The following RASGEF1C variants were observed in gnomAD, a reference collection of about 807,000 sequenced individuals.
RASGEF1C encodes ras-GEF domain-containing family member 1C.
A neutral mutation model predicts 58.1 loss-of-function variants in RASGEF1C; 27 were observed. The observed-to-expected ratio is 0.46, with a 90% CI of 0.34 to 0.64. The LOEUF is 0.64. RASGEF1C is among the 30% of genes least tolerant of loss of function. The probability of loss-of-function intolerance (pLI) is 0.01; values close to 1 mark genes in which losing one functional copy is unlikely to be tolerated. For missense variants in RASGEF1C, 502 were observed against 605.1 expected (o/e 0.83, Z 1.79); for synonymous variants, 243 against 246.3 (o/e 0.99, Z 0.13).
intron 1 of RASGEF1C, among the ~76,000 whole-genome samples, chr5:180,176,056 T>C (rs1198040517): frequency 6.6e-6 from 1 of 152,224 alleles, no homozygotes; most frequent in Non-Finnish European, 1.5e-5. Flanking sequence ...GCTGCATTAC[T>C]GTGTTCAGTC....
chr5:180,181,446 G>C (rs977377979), intron 1 of RASGEF1C, among the ~76,000 whole-genome samples: 20 of 152,320 alleles, frequency 1.3e-4, no homozygotes, highest in Admixed American at 1.0e-3. Context: ...CACTGCAAAT[G>C]TAATGAGTGA....
rs200640266 is a variant in RASGEF1C, at chr5:180,144,642, CA to C, written c.-6-6585del. On this transcript the variant is annotated intron_variant, in intron 1 of 13. Transcript: ENST00000361132. ...TGACAGAGCAAGACCCTGCCTCTAC[CA>C]AAAAAATAAAAATTAAAAAAATATA... is the stretch of plus-strand genomic sequence containing the variant. 9.3e-3 allele frequency among the ~76,000 whole-genome samples: 1,417 copies of C among 151,752 alleles called. 20 individuals carry two copies. The highest frequency in any genetic ancestry group is 0.033 in the African/African-American group (1,360 of 41,342).
intron 12 of RASGEF1C, 74 bp from the exon 13 acceptor site, chr5:180,102,217 C>A: frequency 1.1e-6 from 1 of 871,358 alleles, no homozygotes; most frequent in Non-Finnish European, 1.9e-6. Context: ...GCTATATCTG[C>A]GTGGGTCTCT....
rs1019899136 is a variant in RASGEF1C at position 180,143,363 on chromosome 5, CAG to C, written c.-6-5307_-6-5306del. 4.6e-5 allele frequency among the ~76,000 whole-genome samples: 7 copies of C among 152,206 alleles called. No individual in the cohort carries two copies. Among genetic ancestry groups the C allele is most frequent in the Admixed American group, 1.3e-4 (2 of 15,286 alleles). On this transcript the variant is annotated intron_variant, in intron 1 of 13. Transcript: ENST00000361132. This position sits in a 1 kb window ranked among gnomAD's most constrained non-coding sequence, Gnocchi z 4.3. The stretch of plus-strand genomic sequence containing the variant: ...GGGAGACGGGAAATGTGTGCAGGGA[CAG>C]GGGCACCATGTGGTGCGTTTATAAG...
intron 12 of RASGEF1C, among the ~76,000 whole-genome samples, chr5:180,104,525 G>T (rs1232466926): frequency 6.6e-6 from 1 of 152,192 alleles, no homozygotes; most frequent in Non-Finnish European, 1.5e-5. Context: ...TCAGTGGTAA[G>T]AAAATGTCTG....
At position 180,118,690 on chromosome 5, in the gene RASGEF1C, T is replaced by C; in HGVS notation, c.1002A>G (p.Pro334=). 1 of 1,614,170 alleles carries C rather than the reference T, an allele frequency of 6.2e-7. No individual in the cohort carries two copies. The highest frequency in any genetic ancestry group is 8.5e-7 in the Non-Finnish European group (1 of 1,180,002). ...TCCTGTAGTTGCAGAAATTCCCCGTTGGGTCCATCTGGTGCTGGAAGGAGA... is the reference window on the plus strand; with the variant it reads ...TCCTGTAGTTGCAGAAATTCCCCGTCGGGTCCATCTGGTGCTGGAAGGAGA... ...KFFILEHQMD[P]TGNFCNYRTA... Residue 334 remains proline (P), a synonymous_variant, in exon 10 of 14, where the codon CCA becomes CCG. Coordinates refer to ENST00000361132, the MANE Select transcript of RASGEF1C (RefSeq NM_175062.4).
rs772900151 is a variant in RASGEF1C, at chr5:180,121,157, A to C, written c.715-8T>G. On this transcript the variant is annotated splice_region_variant and splice_polypyrimidine_tract_variant and intron_variant, in intron 6 of 13. Transcript: ENST00000361132. ...CTTGTCACTGAAGCAGGGCTAGAAC[A>C]AACACAGCACACGGGACCACGTTCT... 3.1e-6 allele frequency: 5 copies of C among 1,607,136 alleles called. No homozygotes were observed. In the Admixed American group the frequency reaches 8.3e-5, roughly 27 times the overall value.
chr5:180,131,128 A>G (rs1437499550), intron 4 of RASGEF1C, among the ~76,000 whole-genome samples: 1 of 152,000 alleles, frequency 6.6e-6, no homozygotes, highest in Non-Finnish European at 1.5e-5. Flanking sequence ...CAATGCATCC[A>G]CGCCGGTTTC....
intron 12 of RASGEF1C, among the ~76,000 whole-genome samples, chr5:180,103,281 G>A (rs1023206102): frequency 1.3e-5 from 2 of 152,156 alleles, no homozygotes. Context: ...GTTTCACCGT[G>A]TTAGCCAGGA....
At chr5:180,159,771 G>A (rs1766908399) in intron 1 of RASGEF1C, among the ~76,000 whole-genome samples, 1 of 152,230 alleles carries the variant, frequency 6.6e-6, no homozygotes, top group Non-Finnish European at 1.5e-5. Flanking sequence ...TTACCCACTT[G>A]CTTTCATTTT....
chr5:180,127,673 C>A lies in RASGEF1C; in HGVS notation c.650G>T (p.Arg217Leu). Reference protein sequence around the residue: ...QLTHVELERLRHIGPEEFVQA... With the variant: ...QLTHVELERLLHIGPEEFVQA... ...GACAAACTCCTCAGGCCCGATGTGC[C>A]GCAGCCGCTCCTGCAGGGAAGGGTG... Residue 217 changes from arginine to leucine, a missense_variant, in exon 6 of 14, where the codon CGG (arginine) becomes CTG (leucine). Physicochemically the swap from Arg to Leu is moderately radical, Grantham distance 102. Transcript: ENST00000361132. 4 of 1,612,822 alleles carry A rather than the reference C, an allele frequency of 2.5e-6. No individual in the cohort carries two copies. The highest frequency in any genetic ancestry group is 3.4e-6 in the Non-Finnish European group (4 of 1,179,588).
At chr5:180,124,189 G>A (rs1766218893) in intron 6 of RASGEF1C, among the ~76,000 whole-genome samples, 4 of 150,768 alleles carry the variant, frequency 2.7e-5, no homozygotes, top group Non-Finnish European at 4.4e-5. Flanking sequence ...CCGAGATAGC[G>A]CCACTGCACT....
At chr5:180,136,282 G>C (rs1177401395) in intron 4 of RASGEF1C, 96 bp downstream of exon 4, 1 of 1,261,882 alleles carries the variant, frequency 7.9e-7, no homozygotes, top group East Asian at 2.6e-5. Flanking sequence ...GGTGTGCAGG[G>C]TGGGGAGATG....
At chr5:180,145,135 T>A (rs998362872) in intron 1 of RASGEF1C, among the ~76,000 whole-genome samples, 1 of 152,216 alleles carries the variant, frequency 6.6e-6, no homozygotes. Flanking sequence ...TTTTAATTTT[T>A]ATTTTGAGAC....
intron 1 of RASGEF1C, among the ~76,000 whole-genome samples, chr5:180,195,192 C>T (rs1756244682): frequency 6.6e-6 from 1 of 152,148 alleles, no homozygotes; most frequent in Non-Finnish European, 1.5e-5. Flanking sequence ...GGGCATCGTG[C>T]CCTCCCGCCA....
intron 6 of RASGEF1C, among the ~76,000 whole-genome samples, chr5:180,126,401 G>A (rs1055439650): frequency 5.3e-5 from 8 of 151,600 alleles, no homozygotes; most frequent in African/African-American, 7.3e-5. Context: ...AGTGAGATCC[G>A]TCTCAAAAAA....
intron 1 of RASGEF1C, among the ~76,000 whole-genome samples, chr5:180,146,288 G>A (rs1483659240): frequency 1.3e-5 from 2 of 152,146 alleles, no homozygotes; most frequent in Admixed American, 1.3e-4. Flanking sequence ...GACTACAGGT[G>A]CATGCCACCA....
chr5:180,111,726 G>A (rs1025960090), intron 11 of RASGEF1C, 146 bp from the exon 12 acceptor site: 40 of 801,542 alleles, frequency 5.0e-5, no homozygotes, highest in Non-Finnish European at 7.5e-5. Context: ...AAATGAGGGC[G>A]AGAGCAGTCC....
intron 12 of RASGEF1C, among the ~76,000 whole-genome samples, chr5:180,106,232 G>T (rs1020747871): frequency 6.6e-6 from 1 of 152,148 alleles, no homozygotes; most frequent in African/African-American, 2.4e-5. Context: ...CAATTTTATT[G>T]TTCTTTTCAA....
Sources: allele counts gnomAD v4.1 joint callset (sites outside exome capture counted in the v4.1 genomes callset), GRCh38; gene constraint gnomAD v4.1.1; non-coding constraint Gnocchi (gnomAD v3.1); transcripts MANE v1.5; gene names NCBI Gene and HGNC (gene_info 2026-07-23, HGNC 2026-07-21).